FANCM: variants seen among roughly 807,000 people sequenced by gnomAD.
FANCM encodes the protein FA complementation group M.
A neutral mutation model predicts 199.5 loss-of-function variants in FANCM; 140 were observed. The observed-to-expected ratio is 0.70, with a 90% CI of 0.61 to 0.81. FANCM has a LOEUF of 0.81. Among genes scored for constraint, FANCM ranks in the 30% least tolerant of loss-of-function variants. The pLI is 0.00. For missense variants in FANCM, 2,410 were observed against 2,421.4 expected, an observed-to-expected ratio of 1.00 and a Z score of 0.10; for synonymous variants, 840 against 836.8, an observed-to-expected ratio of 1.00 and a Z score of -0.07.
Position 45,140,696 on chromosome 14 carries a change from G to A in FANCM, c.746G>A (p.Gly249Asp), listed in dbSNP as rs965199350. Residue 249 changes from glycine (G) to aspartate (D), a missense_variant, in exon 3 of 23, where the codon GGT becomes GAT. Transcript: ENST00000267430. ...ATCTTGGCTCTAAGTGCCACACCAG[G>A]TAGTGATATAAAGGTAAGTAAAATG... The part of the protein sequence containing the change: ...FRILALSATP[G>D]SDIKAVQQVI... 1 of 1,586,020 alleles carries A rather than the reference G, an allele frequency of 6.3e-7. No homozygotes were observed. The highest frequency in any genetic ancestry group is 1.3e-5 in the African/African-American group (1 of 74,360).
Position 45,135,949 on chromosome 14 carries a change from A to T in FANCM, c.-83A>T. The T allele has an allele frequency of 2.0e-6, 3 of 1,485,448 alleles. No individual in the cohort carries two copies. The highest frequency in any genetic ancestry group is 2.8e-6 in the Non-Finnish European group (3 of 1,068,694). The allele number at this position is 1,485,448 out of a possible 1,614,324, so 92.0% of individuals were successfully genotyped here. ...CTCGTTCCAGAGTTTTGTGCGAAGG[A>T]AACCGATGGGGATCGGAACCGTAGC... On this transcript the variant is annotated 5_prime_UTR_variant, in exon 1 of 23. Coordinates refer to ENST00000267430, the MANE Select transcript of FANCM (RefSeq NM_020937.4).
chr14:45,185,416 A>C, intron 18 of FANCM, 43 bp downstream of exon 18: 2 of 1,138,124 alleles, frequency 1.8e-6, no homozygotes, highest in South Asian at 2.9e-5. Flanking sequence ...CAATGTTTTT[A>C]TGTGCTTATA....
intron 11 of FANCM, among the ~76,000 whole-genome samples, chr14:45,170,225 T>C (rs1296414255): frequency 6.6e-6 from 1 of 152,202 alleles, no homozygotes; most frequent in African/African-American, 2.4e-5. Context: ...AGGAGACATT[T>C]AGAAGCATGA....
In FANCM at chr14:45,196,429, G is replaced by A. The variant is rs771248011; in HGVS notation, c.5598G>A (p.Arg1866=). The change falls in exon 21 of 23, where the codon AGG becomes AGA. Residue 1866 remains arginine (R), a synonymous_variant. Coordinates refer to ENST00000267430, the MANE Select transcript of FANCM (RefSeq NM_020937.4). The part of the protein sequence containing the change: ...IVSNRMVVER[R]SQSEMLNSVN... ...GTAATCGCATGGTGGTGGAAAGGAGGTCTCAATCTGAGATGTTAAATAGTG... is the reference window on the plus strand; with the variant it reads ...GTAATCGCATGGTGGTGGAAAGGAGATCTCAATCTGAGATGTTAAATAGTG... 5 of 1,614,150 alleles carry A rather than the reference G, an allele frequency of 3.1e-6. No individual in the cohort carries two copies. The highest frequency in any genetic ancestry group is 4.2e-6 in the Non-Finnish European group (5 of 1,180,020).
intron 16 of FANCM, 51 bp from the exon 17 acceptor site, chr14:45,183,723 T>C (rs777946908): frequency 7.2e-7 from 1 of 1,381,124 alleles, no homozygotes; most frequent in African/African-American, 1.4e-5. Flanking sequence ...TTTACTTGTC[T>C]AGGAAGAAAA....
intron 12 of FANCM, among the ~76,000 whole-genome samples, chr14:45,172,121 A>T (rs148518491): frequency 6.6e-6 from 1 of 152,082 alleles, no homozygotes; most frequent in East Asian, 1.9e-4. Flanking sequence ...GTGATGTTGA[A>T]CATTTTTTAT....
At position 45,183,860 on chromosome 14, in the gene FANCM, C is replaced by T. The variant is rs572520252; in HGVS notation, c.4473C>T (p.Ala1491=). 8 of 1,611,748 alleles carry T rather than the reference C, an allele frequency of 5.0e-6. No individual in the cohort carries two copies. The highest frequency in any genetic ancestry group is 1.7e-4 in the Middle Eastern group (1 of 6,054). Residue 1491 remains alanine (A), a synonymous_variant, in exon 17 of 23, where the codon GCC becomes GCT. Transcript: ENST00000267430. ...LEDFKVCNGN[A]RRGIKVPKRQ... ...ACTTCAAGGTTTGTAACGGGAATGC[C>T]AGAAGAGGCATCAAAGTCCCAAAGA...
intron 14 of FANCM, among the ~76,000 whole-genome samples, chr14:45,177,540 C>T (rs1888791355): frequency 6.6e-6 from 1 of 152,066 alleles, no homozygotes. Flanking sequence ...TATGGGCACC[C>T]ACCATCATGC....
At chr14:45,198,987 G>A (rs751758868) in intron 22 of FANCM, 52 bp downstream of exon 22, 12 of 1,399,282 alleles carry the variant, frequency 8.6e-6, no homozygotes, top group Non-Finnish European at 1.2e-5. Context: ...ATTCGTAAAA[G>A]CATTCCATAG....
At chr14:45,191,182 A>G (rs1291584713) in intron 20 of FANCM, among the ~76,000 whole-genome samples, 1 of 152,038 alleles carries the variant, frequency 6.6e-6, no homozygotes, top group African/African-American at 2.4e-5. Context: ...CATCTCTTCA[A>G]GTTTTATGGA....
chr14:45,165,034 CT>C (rs1313477344), intron 10 of FANCM, among the ~76,000 whole-genome samples: 3 of 152,128 alleles, frequency 2.0e-5, no homozygotes, highest in Non-Finnish European at 4.4e-5. Context: ...CTTTCTGGCC[CT>C]TTTTGGAAGT....
At chr14:45,166,549 G>A (rs1198536369) in intron 10 of FANCM, among the ~76,000 whole-genome samples, 4 of 152,144 alleles carry the variant, frequency 2.6e-5, no homozygotes, top group African/African-American at 9.7e-5. Flanking sequence ...GGAGGCCAAA[G>A]CTGGAGGATC....
At chr14:45,144,012 T>C (rs1276621931) in intron 3 of FANCM, among the ~76,000 whole-genome samples, 1 of 151,962 alleles carries the variant, frequency 6.6e-6, no homozygotes, top group African/African-American at 2.4e-5. Flanking sequence ...TTTTATTGGA[T>C]ACATTCTGTG....
chr14:45,195,851 C>T (rs1890025215), intron 20 of FANCM, among the ~76,000 whole-genome samples: 2 of 152,034 alleles, frequency 1.3e-5, no homozygotes, highest in Non-Finnish European at 2.9e-5. Context: ...GGTTATTTCA[C>T]CTTCCATTCG....
In FANCM at chr14:45,156,503, A is replaced by G. The variant is rs569492890; in HGVS notation, c.1396+1044A>G. Among the ~76,000 whole-genome samples, 10 of 152,288 alleles carry G rather than the reference A, an allele frequency of 6.6e-5. No homozygotes were observed. The South Asian group carries it at 1.7e-3, about 25-fold the overall frequency. Reference sequence around the variant, plus strand: ...TTACGATAGTCTTGGATGATGACACATAATAGTGGTGTTCATCAAGGCAAT... The same window carrying G: ...TTACGATAGTCTTGGATGATGACACGTAATAGTGGTGTTCATCAAGGCAAT... On this transcript the variant is annotated intron_variant, in intron 8 of 22. Coordinates refer to ENST00000267430, the MANE Select transcript of FANCM (RefSeq NM_020937.4).
intron 19 of FANCM, 132 bp from the exon 20 acceptor site, chr14:45,188,670 T>C (rs572784958): frequency 2.9e-6 from 2 of 689,470 alleles, no homozygotes; most frequent in Admixed American, 2.7e-5. Context: ...TTTATGTTAG[T>C]TGAGTAAGTG....
At chr14:45,164,327 A>C (rs1287407818) in intron 9 of FANCM, 32 bp from the exon 10 acceptor site, 1 of 1,508,892 alleles carries the variant, frequency 6.6e-7, no homozygotes, top group South Asian at 1.1e-5. Context: ...TTACATTTGC[A>C]TGTAGTTATT....
chr14:45,183,351 A>T (rs1889184472), intron 16 of FANCM, among the ~76,000 whole-genome samples: 1 of 152,006 alleles, frequency 6.6e-6, no homozygotes, highest in Non-Finnish European at 1.5e-5. Context: ...TTATTGTTTT[A>T]TTTGTTTCTT....
intron 14 of FANCM, among the ~76,000 whole-genome samples, chr14:45,179,059 C>T (rs1175094020): frequency 6.6e-6 from 1 of 151,966 alleles, no homozygotes; most frequent in Non-Finnish European, 1.5e-5. Flanking sequence ...ATTAGCCAGG[C>T]GTCGTGGCAC....
Sources: gnomAD v4.1 joint callset for allele counts (sites outside exome capture counted in the v4.1 genomes callset) on GRCh38, gnomAD v4.1.1 for gene constraint, MANE v1.5 for transcripts, NCBI Gene and HGNC (gene_info 2026-07-23, HGNC 2026-07-21) for gene names.